Variants in AK8 observed in about 807,000 individuals in gnomAD.
The protein encoded by AK8 is adenylate kinase 8.
Under a neutral mutation model 54.6 loss-of-function variants are expected in AK8, and 44 were observed. The observed-to-expected ratio is 0.81, with a 90% CI of 0.63 to 1.04. The LOEUF is 1.04. Ranked by LOEUF, AK8 falls within the 50% of genes least tolerant of loss-of-function variation. The pLI, the probability that AK8 is intolerant of heterozygous loss-of-function variation, is 0.00. For missense variants in AK8, 555 were observed against 613.6 expected, an observed-to-expected ratio of 0.90 and a Z score of 1.01; for synonymous variants, 239 against 245.6, an observed-to-expected ratio of 0.97 and a Z score of 0.25.
At chr9:132,835,241 C>T (rs1036944420) in intron 5 of AK8, among the ~76,000 whole-genome samples, 12 of 152,178 alleles carry the variant, frequency 7.9e-5, no homozygotes, top group African/African-American at 2.7e-4. Flanking sequence ...TATGGTGCCC[C>T]TGAAGCCACT....
chr9:132,735,407 G>C (rs942155271), intron 11 of AK8, among the ~76,000 whole-genome samples: 3 of 152,206 alleles, frequency 2.0e-5, no homozygotes, highest in Non-Finnish European at 4.4e-5. Context: ...TATGATGCCC[G>C]GTTCTGCCCA....
chr9:132,763,777 T>C (rs1261959216), intron 11 of AK8, among the ~76,000 whole-genome samples: 1 of 152,368 alleles, frequency 6.6e-6, no homozygotes, highest in Non-Finnish European at 1.5e-5. Context: ...TCATGAATTG[T>C]TCTTTGCTTA....
chr9:132,878,193 GTTC>G lies in AK8; in HGVS notation c.60_62del (p.Glu20_Asn21delinsAsp). 6.7e-7 allele frequency: 1 copy of G among 1,487,418 alleles called. No individual in the cohort carries two copies. Among genetic ancestry groups the G allele is most frequent in the Middle Eastern group, 1.8e-4 (1 of 5,468 alleles). The allele number at this position is 1,487,418 out of a possible 1,614,324, so 92.1% of individuals were successfully genotyped here. A position where few individuals can be genotyped will look rare whatever the true frequency, so the allele number is the denominator to read the frequency against. On this transcript the variant is annotated inframe_deletion, in exon 1 of 13. Coordinates refer to ENST00000298545, the MANE Select transcript of AK8 (RefSeq NM_152572.3). The surrounding 1 kb of genome is among the most constrained non-coding windows in gnomAD (Gnocchi z 4.7). Reference sequence around the variant, plus strand: ...TCACCTGCATCAACTCGAAGATGTGGTTCTCCTCCCCGTACTGGGGCATCTCGG... The same window carrying G: ...TCACCTGCATCAACTCGAAGATGTGGTCCTCCCCGTACTGGGGCATCTCGG...
At chr9:132,797,103 G>A (rs1384683986) in intron 10 of AK8, among the ~76,000 whole-genome samples, 2 of 152,150 alleles carry the variant, frequency 1.3e-5, no homozygotes, top group Non-Finnish European at 2.9e-5. Context: ...CACAGGCTCT[G>A]CAGCCAGCAC....
intron 11 of AK8, among the ~76,000 whole-genome samples, chr9:132,778,513 C>T (rs757641832): frequency 6.6e-6 from 1 of 152,102 alleles, no homozygotes; most frequent in African/African-American, 2.4e-5. Flanking sequence ...GGCAAGAAAC[C>T]CTCTCTACTT....
intron 5 of AK8, among the ~76,000 whole-genome samples, chr9:132,834,078 G>A (rs1242357347): frequency 6.6e-6 from 1 of 152,248 alleles, no homozygotes; most frequent in Non-Finnish European, 1.5e-5. Context: ...GTCCCAACGA[G>A]GCAAGCTGAG....
At position 132,827,997 on chromosome 9, in the gene AK8, G is replaced by T; in HGVS notation, c.556+16C>A. ...TGAAACCCCATGGGGCTGGGTGGGG[G>T]TGGCCGTAGCCATACCTCCAGTTTG... On this transcript the variant is annotated intron_variant, in intron 7 of 12. Transcript: ENST00000298545. 1 of 1,556,384 alleles carries T rather than the reference G, an allele frequency of 6.4e-7. No individual in the cohort carries two copies. The highest frequency in any genetic ancestry group is 1.9e-5 in the Admixed American group (1 of 51,642).
chr9:132,801,369 A>C (rs945911346), intron 10 of AK8, among the ~76,000 whole-genome samples: 2 of 152,236 alleles, frequency 1.3e-5, no homozygotes, highest in Admixed American at 1.3e-4. Flanking sequence ...CACTGTGCAG[A>C]ATGATTTGAC....
chr9:132,772,924 C>T (rs540725998), intron 11 of AK8, among the ~76,000 whole-genome samples: 4 of 152,332 alleles, frequency 2.6e-5, no homozygotes, highest in African/African-American at 9.6e-5. Flanking sequence ...TTACTGCCAA[C>T]AGCCCTATAC....
At chr9:132,773,642 T>A (rs1839076007) in intron 11 of AK8, among the ~76,000 whole-genome samples, 1 of 152,218 alleles carries the variant, frequency 6.6e-6, no homozygotes, top group Admixed American at 6.5e-5. Flanking sequence ...GAGGAAACCA[T>A]AGTTCAGAGT....
At chr9:132,849,233 C>G (rs1329515939) in intron 5 of AK8, among the ~76,000 whole-genome samples, 1 of 151,962 alleles carries the variant, frequency 6.6e-6, no homozygotes, top group Non-Finnish European at 1.5e-5. Flanking sequence ...ATTGAGAGCT[C>G]AAGAGAAAGG....
intron 4 of AK8, among the ~76,000 whole-genome samples, chr9:132,855,995 G>A (rs1372476182): frequency 6.6e-6 from 1 of 152,140 alleles, no homozygotes; most frequent in African/African-American, 2.4e-5. Flanking sequence ...TTTCATAGAG[G>A]AGGAAGCTGA....
rs1038949123 is a variant in AK8 at position 132,751,149 on chromosome 9, C to T, written c.1122-23615G>A. Among the ~76,000 whole-genome samples, 17 of 151,670 alleles carry T rather than the reference C, an allele frequency of 1.1e-4. 1 individual carries two copies. The highest frequency in any genetic ancestry group is 2.9e-4 in the African/African-American group (12 of 41,344). ...CTGTAATCCCAGCACTTTGAGAGGC[C>T]AAGGCAGGCCGATCATTTGAGGTCA... On this transcript the variant is annotated intron_variant, in intron 11 of 12. Coordinates refer to ENST00000298545, the MANE Select transcript of AK8 (RefSeq NM_152572.3).
intron 11 of AK8, among the ~76,000 whole-genome samples, chr9:132,738,788 C>T (rs1177357216): frequency 7.1e-6 from 1 of 141,536 alleles, no homozygotes; most frequent in Non-Finnish European, 1.5e-5. Flanking sequence ...GGGTCTCACT[C>T]TGCCCCCCCA....
chr9:132,845,186 G>A (rs1457903866), intron 5 of AK8, among the ~76,000 whole-genome samples: 1 of 152,144 alleles, frequency 6.6e-6, no homozygotes, highest in Admixed American at 6.5e-5. Context: ...TGCCAGACCA[G>A]GCGCGTAGAC....
rs754082140 is a variant in AK8, at chr9:132,738,752, CT to C, written c.1122-11219del. Among the ~76,000 whole-genome samples the C allele has an allele frequency of 4.5e-3, 543 of 120,770 alleles. 2 individuals are homozygous for C. The highest frequency in any genetic ancestry group is 0.015 in the African/African-American group (464 of 31,674). The allele number at this position is 120,770 out of a possible 152,430, so 79.2% of individuals were successfully genotyped here. On this transcript the variant is annotated intron_variant, in intron 11 of 12. Coordinates refer to ENST00000298545, the MANE Select transcript of AK8 (RefSeq NM_152572.3). ...AAACAACGCAGAAATATGTTCATGACTTTTTTTTTTTTTTTTTTTGAGACAG... is the reference window on the plus strand; with the variant it reads ...AAACAACGCAGAAATATGTTCATGACTTTTTTTTTTTTTTTTTTGAGACAG...
chr9:132,836,324 G>A (rs1842320943), intron 5 of AK8, among the ~76,000 whole-genome samples: 2 of 152,250 alleles, frequency 1.3e-5, no homozygotes, highest in East Asian at 1.9e-4. Flanking sequence ...GTAGTGCCTG[G>A]CAACAAAGAA....
chr9:132,817,461 T>C (rs187589371), intron 9 of AK8, among the ~76,000 whole-genome samples: 1 of 152,260 alleles, frequency 6.6e-6, no homozygotes, highest in East Asian at 1.9e-4. Context: ...ACAGCTATTA[T>C]GAGTACACTT....
intron 5 of AK8, among the ~76,000 whole-genome samples, chr9:132,850,897 T>TA (rs34133877): frequency 0.36 from 49,157 of 135,274 alleles, 10,322 homozygotes; most frequent in South Asian, 0.56. Flanking sequence ...TAGGTGCATT[T>TA]AAAAAAAAAA....
Sources: gnomAD v4.1 joint callset for allele counts (sites outside exome capture counted in the v4.1 genomes callset) on GRCh38, gnomAD v4.1.1 for gene constraint, Gnocchi (gnomAD v3.1) non-coding constraint, MANE v1.5 for transcripts, NCBI Gene and HGNC (gene_info 2026-07-23, HGNC 2026-07-21) for gene names.